SEC23A: variants seen among roughly 807,000 people sequenced by gnomAD.
SEC23A encodes the protein protein transport protein Sec23A.
In SEC23A, 56 loss-of-function variants were observed where a neutral mutation model predicts 103.7. The ratio of observed to expected loss-of-function variants is 0.54; its 90% CI spans 0.44 to 0.67. The LOEUF (loss-of-function observed/expected upper bound fraction) is 0.67, where lower values mean the gene tolerates loss of function less well. Ranked by LOEUF, SEC23A falls within the 30% of genes least tolerant of loss-of-function variation. SEC23A has a pLI of 0.00. For synonymous variants in SEC23A, 281 were observed against 293.0 expected (o/e 0.96, Z 0.42); for missense variants, 784 against 936.4 (o/e 0.84, Z 2.12).
At chr14:39,099,687 T>C (rs180986188) in intron 1 of SEC23A, among the ~76,000 whole-genome samples, 1 of 152,312 alleles carries the variant, frequency 6.6e-6, no homozygotes, top group African/African-American at 2.4e-5. Context: ...ATTCAAAGTG[T>C]AGAATAGGCC....
chr14:39,065,996 T>C (rs1276352718), intron 10 of SEC23A, among the ~76,000 whole-genome samples: 1 of 14,662 alleles, frequency 6.8e-5, no homozygotes, highest in African/African-American at 3.2e-4. Context: ...AAACTCCATC[T>C]CAAAAAAAAA....
intron 4 of SEC23A, 146 bp from the exon 5 acceptor site, chr14:39,091,859 GGA>G: frequency 1.5e-6 from 1 of 672,148 alleles, no homozygotes. Context: ...CTACTGTCAT[GGA>G]GAGAGATCTA....
At chr14:39,049,254 G>A (rs1346486633) in intron 14 of SEC23A, among the ~76,000 whole-genome samples, 5 of 151,916 alleles carry the variant, frequency 3.3e-5, no homozygotes, top group African/African-American at 7.3e-5. Context: ...AAGGCGGGCG[G>A]ATCACAAGGT....
intron 7 of SEC23A, among the ~76,000 whole-genome samples, chr14:39,084,534 C>G (rs1887359136): frequency 6.6e-6 from 1 of 152,140 alleles, no homozygotes; most frequent in South Asian, 2.1e-4. Context: ...GTCCTATAAC[C>G]TGATTTTTTT....
Position 39,091,730 on chromosome 14 carries a change from C to T in SEC23A, c.367-17G>A. 1 of 1,558,406 alleles carries T rather than the reference C, an allele frequency of 6.4e-7. No individual in the cohort carries two copies. Among genetic ancestry groups the T allele is most frequent in the Non-Finnish European group, 8.9e-7 (1 of 1,129,880 alleles). ...AGGACCACGCTTTTAAAAAATTCAC[C>T]AAAAAGAAAAAATATGTAGTTTAAA... On this transcript the variant is annotated splice_polypyrimidine_tract_variant and intron_variant, in intron 4 of 19. Transcript: ENST00000307712.
chr14:39,070,443 T>C (rs1053856412), intron 9 of SEC23A, among the ~76,000 whole-genome samples: 5 of 152,168 alleles, frequency 3.3e-5, no homozygotes, highest in Admixed American at 6.5e-5. Context: ...GTATCTCCTA[T>C]GAAGACAGAT....
At chr14:39,052,018 G>A (rs2139206373) in intron 14 of SEC23A, among the ~76,000 whole-genome samples, 1 of 151,974 alleles carries the variant, frequency 6.6e-6, no homozygotes, top group East Asian at 1.9e-4. Context: ...GACACAGATG[G>A]AATTGGAAGC....
intron 19 of SEC23A, among the ~76,000 whole-genome samples, chr14:39,035,602 A>T (rs1240258866): frequency 6.6e-6 from 1 of 152,042 alleles, no homozygotes; most frequent in African/African-American, 2.4e-5. Flanking sequence ...AACCTCCCCA[A>T]CTTTTAGAAC....
At chr14:39,076,191 A>G (rs1887012062) in intron 7 of SEC23A, 98 bp from the exon 8 acceptor site, 1 of 934,272 alleles carries the variant, frequency 1.1e-6, no homozygotes, top group Non-Finnish European at 1.6e-6. Context: ...AGAAAAGCAT[A>G]TATTTTCTAA....
chr14:39,091,106 CT>C, intron 5 of SEC23A: 1 of 398,388 alleles, frequency 2.5e-6, no homozygotes, highest in Non-Finnish European at 4.7e-6. Context: ...GACTAAACCT[CT>C]TTTATAACAT....
chr14:39,092,708 G>A (rs1887702783), intron 3 of SEC23A, 81 bp from the exon 4 acceptor site: 1 of 774,276 alleles, frequency 1.3e-6, no homozygotes, highest in South Asian at 1.7e-5. Context: ...AGTATTTCCT[G>A]ATCATTTAAT....
At position 39,045,150 on chromosome 14, in the gene SEC23A, C is replaced by T. The variant is rs1455312448; in HGVS notation, c.1899+13G>A. On this transcript the variant is annotated intron_variant, in intron 16 of 19. Transcript: ENST00000307712. The stretch of plus-strand genomic sequence containing the variant: ...AGTAACAAGACCAATTTATTTTTTT[C>T]TGTCCCTCTTACCTCTGGTGGTCCA... 3.7e-6 allele frequency: 6 copies of T among 1,611,562 alleles called. No homozygotes were observed. The highest frequency in any genetic ancestry group is 5.1e-6 in the Non-Finnish European group (6 of 1,178,466).
chr14:39,044,533 CT>C (rs1324386091), intron 16 of SEC23A, among the ~76,000 whole-genome samples: 11 of 151,888 alleles, frequency 7.2e-5, no homozygotes, highest in Admixed American at 7.2e-4. Flanking sequence ...TTATATTGAC[CT>C]TACTATTTTC....
intron 4 of SEC23A, 108 bp from the exon 5 acceptor site, chr14:39,091,821 G>T: frequency 1.3e-6 from 1 of 773,528 alleles, no homozygotes; most frequent in Non-Finnish European, 2.2e-6. Context: ...TCCTAGTAAA[G>T]CCATTTCAGA....
rs116086519 is a variant in SEC23A at position 39,099,008 on chromosome 14, T to C, written c.-21-2869A>G. ...ACTGTTTTCTCAATTCTCCCAAGGA[T>C]AGTACATAACTAGTACTTAGGTATT... On this transcript the variant is annotated intron_variant, in intron 1 of 19. Coordinates refer to ENST00000307712, the MANE Select transcript of SEC23A (RefSeq NM_006364.4). Among the ~76,000 whole-genome samples the C allele has an allele frequency of 7.3e-3, 1,116 of 152,178 alleles. 13 individuals are homozygous for C. The highest frequency in any genetic ancestry group is 0.026 in the African/African-American group (1,064 of 41,538).
chr14:39,062,490 T>C (rs1166028277), intron 12 of SEC23A, among the ~76,000 whole-genome samples: 1 of 152,032 alleles, frequency 6.6e-6, no homozygotes, highest in African/African-American at 2.4e-5. Flanking sequence ...GTATAGAAGA[T>C]GAAAGCAGAA....
At chr14:39,079,836 T>C in intron 7 of SEC23A, among the ~76,000 whole-genome samples, 1 of 151,728 alleles carries the variant, frequency 6.6e-6, no homozygotes, top group South Asian at 2.1e-4. Context: ...AATAAATAAA[T>C]AAAATAAAAT....
chr14:39,063,506 A>G, intron 11 of SEC23A, 93 bp from the exon 12 acceptor site: 2 of 777,172 alleles, frequency 2.6e-6, no homozygotes, highest in South Asian at 3.4e-5. Flanking sequence ...ACAGGAAAAA[A>G]AAAAGTCATG....
In SEC23A at chr14:39,095,975, T is replaced by G; in HGVS notation, c.144A>C (p.Arg48Ser). 6.2e-7 allele frequency: 1 copy of G among 1,614,124 alleles called. No individual in the cohort carries two copies. The highest frequency in any genetic ancestry group is 8.5e-7 in the Non-Finnish European group (1 of 1,179,994). ...VAALFTPLKE[R>S]PDLPPIQYEP... ...CATATTGAATAGGTGGTAAGTCAGG[T>G]CTCTCTTTCAGTGGTGTAAACAGGG... is the stretch of plus-strand genomic sequence containing the variant. The change falls in exon 2 of 20, where the codon AGA (arginine) becomes AGC (serine). Residue 48 changes from arginine to serine, a missense_variant. Arg to Ser is a moderately radical substitution (Grantham distance 110). Coordinates refer to ENST00000307712, the MANE Select transcript of SEC23A (RefSeq NM_006364.4).
Sources: gnomAD v4.1 joint callset for allele counts (sites outside exome capture counted in the v4.1 genomes callset) on GRCh38, gnomAD v4.1.1 for gene constraint, MANE v1.5 for transcripts, NCBI Gene and HGNC (gene_info 2026-07-23, HGNC 2026-07-21) for gene names.